RNF126: variants seen among roughly 807,000 people sequenced by gnomAD.
RNF126 encodes the protein E3 ubiquitin-protein ligase RNF126.
Under a neutral mutation model 41.9 loss-of-function variants are expected in RNF126, and 20 were observed. The observed-to-expected ratio is 0.48, with a 90% CI of 0.34 to 0.69. The LOEUF is 0.69. Ranked by LOEUF, RNF126 falls within the 30% of genes least tolerant of loss-of-function variation. The probability of loss-of-function intolerance (pLI) is 0.01; values close to 1 mark genes in which losing one functional copy is unlikely to be tolerated. For missense variants in RNF126, 433 were observed against 460.6 expected (o/e 0.94, Z 0.55); for synonymous variants, 239 against 202.9 (o/e 1.18, Z -1.51).
intron 1 of RNF126, among the ~76,000 whole-genome samples, chr19:655,973 G>C (rs2030547066): frequency 6.6e-6 from 1 of 152,076 alleles, no homozygotes; most frequent in Non-Finnish European, 1.5e-5. Context: ...CCACGTCTAT[G>C]AAATGTCCAG....
intron 1 of RNF126, chr19:661,477 C>G (rs1332030018): frequency 6.6e-6 from 1 of 152,366 alleles, no homozygotes; most frequent in Non-Finnish European, 1.5e-5. Flanking sequence ...TCAGTCTCAG[C>G]TCCCCAACCT....
intron 4 of RNF126, chr19:651,395 A>C (rs916722959): frequency 4.7e-6 from 2 of 429,498 alleles, no homozygotes; most frequent in African/African-American, 2.1e-5. Context: ...ACGGTGCCCC[A>C]CTCTGTGGTC....
chr19:648,163 A>G lies in RNF126; in HGVS notation c.901T>C (p.Ser301Pro). The change falls in exon 9 of 9, where the codon TCG (serine) becomes CCG (proline). Residue 301 changes from serine (S) to proline (P), a missense_variant. Ser to Pro is a moderately conservative substitution (Grantham distance 74). Around this residue, in one of 5 missense-constraint regions of RNF126, gnomAD observed 63 missense variants for 47.9 expected, o/e 1.32. Coordinates refer to ENST00000292363, the MANE Select transcript of RNF126 (RefSeq NM_194460.3). ...SSSSSSSSSS[S>P]PSNENATSNS Reference sequence around the variant, plus strand: ...CTTGTGGCGTTCTCGTTGCTGGGCGAGCTGGAGGAGGACGATGACGACGAG... The same window carrying G: ...CTTGTGGCGTTCTCGTTGCTGGGCGGGCTGGAGGAGGACGATGACGACGAG... 6.2e-7 allele frequency: 1 copy of G among 1,603,702 alleles called. No individual in the cohort carries two copies. Among genetic ancestry groups the G allele is most frequent in the Non-Finnish European group, 8.5e-7 (1 of 1,173,566 alleles).
chr19:656,658 A>C (rs1258196323), intron 1 of RNF126, among the ~76,000 whole-genome samples: 4 of 152,120 alleles, frequency 2.6e-5, no homozygotes, highest in African/African-American at 9.7e-5. Context: ...AAAAAGAAAA[A>C]GAAAAAGGGA....
At chr19:649,424 A>G in intron 6 of RNF126, 1 of 532,716 alleles carries the variant, frequency 1.9e-6, no homozygotes, top group Non-Finnish European at 3.4e-6. Flanking sequence ...TGACCATGTG[A>G]CTGTGGGCGA....
In RNF126 at chr19:648,364, G is replaced by GGGCC; in HGVS notation, c.786+7_786+8insGGCC. The GGGCC allele has an allele frequency of 5.9e-6, 3 of 510,452 alleles. No individual in the cohort carries two copies. Among genetic ancestry groups the GGGCC allele is most frequent in the Non-Finnish European group, 1.1e-5 (3 of 278,324 alleles). The allele number at this position is 510,452 out of a possible 1,614,324, so 31.6% of individuals were successfully genotyped here. Reference sequence around the variant, plus strand: ...CGGGGTGGGGGGGCGGGTGGGCGGGGCACTCACCTGCTCCAGCCAGGGCAC... The same window carrying GGGCC: ...CGGGGTGGGGGGGCGGGTGGGCGGGGGGCCCACTCACCTGCTCCAGCCAGGGCAC... On this transcript the variant is annotated splice_region_variant and intron_variant, in intron 8 of 8. Transcript: ENST00000292363.
Position 648,185 on chromosome 19 carries a change from CGAG to C in RNF126, c.876_878del (p.Ser301del), listed in dbSNP as rs755798297. ...GCGAGCTGGAGGAGGACGATGACGA[CGAG>C]GAGGAGAAGCTCACCCCAGTGAGGC... On this transcript the variant is annotated inframe_deletion, in exon 9 of 9. Transcript: ENST00000292363. 4.2e-5 allele frequency: 68 copies of C among 1,607,200 alleles called. No homozygotes were observed. The highest frequency in any genetic ancestry group is 5.1e-5 in the Non-Finnish European group (60 of 1,176,276).
intron 2 of RNF126, 178 bp from the exon 3 acceptor site, chr19:652,474 CACGGGTTTCTCGATAAACCGGTGCA>C: frequency 1.6e-6 from 1 of 629,626 alleles, no homozygotes; most frequent in Non-Finnish European, 2.7e-6. Context: ...GCCAGTAAAC[CACGGGTTTCTCGATAAACCGGTGCA>C]GACCCCAACA....
In RNF126 at chr19:648,361, G is replaced by GGGGGGGGGGGGGGGGGT; in HGVS notation, c.786+10_786+11insACCCCCCCCCCCCCCCC. On this transcript the variant is annotated intron_variant, in intron 8 of 8. Coordinates refer to ENST00000292363, the MANE Select transcript of RNF126 (RefSeq NM_194460.3). The stretch of plus-strand genomic sequence containing the variant: ...GGTCGGGGTGGGGGGGCGGGTGGGC[G>GGGGGGGGGGGGGGGGGT]GGGCACTCACCTGCTCCAGCCAGGG... 7.5e-7 allele frequency: 1 copy of GGGGGGGGGGGGGGGGGT among 1,333,440 alleles called. No homozygotes were observed. Among genetic ancestry groups the GGGGGGGGGGGGGGGGGT allele is most frequent in the South Asian group, 1.2e-5 (1 of 80,508 alleles). 82.6% of individuals were successfully genotyped at this position (1,333,440 alleles called of 1,614,324 possible). A position where few individuals can be genotyped will look rare whatever the true frequency, so the allele number is the denominator to read the frequency against.
intron 6 of RNF126, 189 bp downstream of exon 6, chr19:649,490 G>A (rs1225818590): frequency 3.4e-6 from 2 of 585,626 alleles, no homozygotes; most frequent in South Asian, 2.1e-5. Context: ...AACCCCCAAA[G>A]TTGCCAAGAC....
chr19:656,746 G>T (rs1028588040), intron 1 of RNF126, among the ~76,000 whole-genome samples: 2 of 152,244 alleles, frequency 1.3e-5, no homozygotes, highest in African/African-American at 4.8e-5. Context: ...CTGCCACAGT[G>T]GCCGTGACAA....
chr19:653,691 C>T (rs1023830522), intron 1 of RNF126, among the ~76,000 whole-genome samples: 2 of 152,258 alleles, frequency 1.3e-5, no homozygotes, highest in Non-Finnish European at 2.9e-5. Flanking sequence ...GCCTCCCGGC[C>T]TCACCAGGGG....
intron 7 of RNF126, 57 bp from the exon 8 acceptor site, chr19:648,544 A>G: frequency 7.3e-7 from 1 of 1,370,314 alleles, no homozygotes; most frequent in Middle Eastern, 2.5e-4. Flanking sequence ...CGAGCCTTCA[A>G]GGGCAGGCTA....
At chr19:655,117 C>G (rs1012766495) in intron 1 of RNF126, among the ~76,000 whole-genome samples, 3 of 152,154 alleles carry the variant, frequency 2.0e-5, no homozygotes, top group Admixed American at 6.5e-5. Context: ...TGAGACCAGC[C>G]TAGCCAACAT....
chr19:654,335 C>T (rs564852540), intron 1 of RNF126, among the ~76,000 whole-genome samples: 146 of 152,306 alleles, frequency 9.6e-4, no homozygotes, highest in African/African-American at 3.4e-3. Flanking sequence ...CCACGCCCCA[C>T]GAATTCTCGG....
In RNF126 at chr19:647,997, G is replaced by C; in HGVS notation, c.*131C>G. 1.7e-6 allele frequency: 2 copies of C among 1,152,012 alleles called. No homozygotes were observed. The highest frequency in any genetic ancestry group is 2.4e-6 in the Non-Finnish European group (2 of 840,616). 71.4% of individuals were successfully genotyped at this position (1,152,012 alleles called of 1,614,324 possible). On this transcript the variant is annotated 3_prime_UTR_variant, in exon 9 of 9. Coordinates refer to ENST00000292363, the MANE Select transcript of RNF126 (RefSeq NM_194460.3). ...TGGGCCGGGCCCGGGTCCTGCCCTG[G>C]AACAGGCGGGACCTGCAGCGCTGAC...
In RNF126 at chr19:655,263, G is replaced by A. The variant is rs77160140; in HGVS notation, c.76-2379C>T. Among the ~76,000 whole-genome samples, 1,093 of 151,812 alleles carry A rather than the reference G, an allele frequency of 7.2e-3. 11 individuals are homozygous for A. The highest frequency in any genetic ancestry group is 0.025 in the African/African-American group (1,049 of 41,354). On this transcript the variant is annotated intron_variant, in intron 1 of 8. Coordinates refer to ENST00000292363, the MANE Select transcript of RNF126 (RefSeq NM_194460.3). ...CAGAATGGCTTGAGTCCAGGAGATC[G>A]AGACCGCAGTGAGCTGTGGTCCCAC...
rs759074549 is a variant in RNF126, at chr19:651,802, G to A, written c.252C>T (p.Phe84=). 2.5e-6 allele frequency: 4 copies of A among 1,612,650 alleles called. No homozygotes were observed. The highest frequency in any genetic ancestry group is 2.5e-6 in the Non-Finnish European group (3 of 1,179,826). The change falls in exon 4 of 9, where the codon TTC becomes TTT. Residue 84 remains phenylalanine (F), a synonymous_variant. Transcript: ENST00000292363. ...TCTCGAAGCTGTCATCGAAGATGCC[G>A]AAAGCAAACTGTCCGTAGCCCTGCG... The part of the protein sequence containing the change: ...TLPQGYGQFA[F]GIFDDSFEIP...
chr19:647,990 T>A lies in RNF126; in HGVS notation c.*138A>T. ...GGGCCGGTGGGCCGGGCCCGGGTCC[T>A]GCCCTGGAACAGGCGGGACCTGCAG... On this transcript the variant is annotated 3_prime_UTR_variant, in exon 9 of 9. Coordinates refer to ENST00000292363, the MANE Select transcript of RNF126 (RefSeq NM_194460.3). 9.0e-7 allele frequency: 1 copy of A among 1,107,852 alleles called. No homozygotes were observed. Among genetic ancestry groups the A allele is most frequent in the Non-Finnish European group, 1.2e-6 (1 of 801,134 alleles). 68.6% of individuals were successfully genotyped at this position (1,107,852 alleles called of 1,614,324 possible). A position where few individuals can be genotyped will look rare whatever the true frequency, so the allele number is the denominator to read the frequency against.
Sources: allele counts gnomAD v4.1 joint callset (sites outside exome capture counted in the v4.1 genomes callset), GRCh38; gene constraint gnomAD v4.1.1; regional missense constraint gnomAD v4.1.1; transcripts MANE v1.5; gene names NCBI Gene and HGNC (gene_info 2026-07-23, HGNC 2026-07-21).